IL20RB: variants seen among roughly 807,000 people sequenced by gnomAD.
IL20RB encodes interleukin-20 receptor subunit beta.
A neutral mutation model predicts 33.3 loss-of-function variants in IL20RB; 21 were observed. The ratio of observed to expected loss-of-function variants is 0.63; its 90% CI spans 0.45 to 0.91. IL20RB has a LOEUF of 0.91. Ranked by LOEUF, IL20RB falls within the 40% of genes least tolerant of loss-of-function variation. The pLI, the probability that IL20RB is intolerant of heterozygous loss-of-function variation, is 0.00. For synonymous variants in IL20RB, 147 were observed against 146.8 expected (o/e 1.00, Z -0.01); for missense variants, 345 against 384.8 (o/e 0.90, Z 0.86).
chr3:136,987,117 G>A (rs1349577633), intron 3 of IL20RB, among the ~76,000 whole-genome samples: 2 of 151,916 alleles, frequency 1.3e-5, no homozygotes, highest in Non-Finnish European at 2.9e-5. Flanking sequence ...CAGTGTGGAA[G>A]GGGACCCGAG....
chr3:136,984,793 T>C (rs1941861396), intron 3 of IL20RB, among the ~76,000 whole-genome samples: 1 of 151,932 alleles, frequency 6.6e-6, no homozygotes, highest in Non-Finnish European at 1.5e-5. Flanking sequence ...CTTCATGGAA[T>C]GGAGAGGATG....
chr3:136,970,419 T>A (rs1279335009), intron 1 of IL20RB, among the ~76,000 whole-genome samples: 1 of 152,116 alleles, frequency 6.6e-6, no homozygotes, highest in African/African-American at 2.4e-5. Context: ...ATTTTAGGAT[T>A]ACTTTTGTCT....
At chr3:137,002,482 T>C (rs1402369786) in intron 6 of IL20RB, among the ~76,000 whole-genome samples, 4 of 152,234 alleles carry the variant, frequency 2.6e-5, no homozygotes, top group Non-Finnish European at 4.4e-5. Flanking sequence ...TGGTATGAGA[T>C]GGTATCTCAT....
At position 136,992,108 on chromosome 3, in the gene IL20RB, C is replaced by G. The variant is rs200576347; in HGVS notation, c.682+20C>G. On this transcript the variant is annotated intron_variant, in intron 5 of 6. Coordinates refer to ENST00000329582, the MANE Select transcript of IL20RB (RefSeq NM_144717.4). ...TGCAAGGTAAGGATGGCTTCTCTGT[C>G]CCTGGAGCCCTGCACAGGTGATAGC... The G allele has an allele frequency of 4.4e-4, 711 of 1,612,718 alleles. 4 individuals are homozygous for G. Among genetic ancestry groups the G allele is most frequent in the South Asian group, 4.3e-3 (389 of 90,930 alleles).
At chr3:136,997,687 G>A (rs1577030746) in intron 6 of IL20RB, among the ~76,000 whole-genome samples, 1 of 151,304 alleles carries the variant, frequency 6.6e-6, no homozygotes, top group East Asian at 1.9e-4. Flanking sequence ...CTTATAGACA[G>A]CATATAGTCA....
intron 1 of IL20RB, among the ~76,000 whole-genome samples, chr3:136,961,102 C>T (rs1163054119): frequency 1.3e-5 from 2 of 152,176 alleles, no homozygotes; most frequent in African/African-American, 2.4e-5. Flanking sequence ...AATTTAAAGA[C>T]GAATGAGGGA....
chr3:136,998,129 C>CTTTTTTTTTT, intron 6 of IL20RB, among the ~76,000 whole-genome samples: 1 of 119,414 alleles, frequency 8.4e-6, no homozygotes, highest in Non-Finnish European at 1.7e-5. Context: ...ATTTTCTTTT[C>CTTTTTTTTTT]TTTTTTTTTT....
At chr3:137,002,000 C>G (rs1033937606) in intron 6 of IL20RB, among the ~76,000 whole-genome samples, 1 of 152,110 alleles carries the variant, frequency 6.6e-6, no homozygotes, top group African/African-American at 2.4e-5. Flanking sequence ...GTTCAATTCC[C>G]ACCTATGAGT....
rs1185510835 is a variant in IL20RB at position 136,992,035 on chromosome 3, A to G, written c.629A>G (p.Lys210Arg). ...TGTGTGAAGGCCCAGACATTCGTGA[A>G]GGCCATTGGGAGGTACAGCGCCTTC... ...AYCVKAQTFV[K>R]AIGRYSAFSQ... Residue 210 changes from lysine to arginine, a missense_variant, in exon 5 of 7, where the codon AAG becomes AGG. Physicochemically the swap from Lys to Arg is conservative, Grantham distance 26. Coordinates refer to ENST00000329582, the MANE Select transcript of IL20RB (RefSeq NM_144717.4). The G allele has an allele frequency of 3.7e-6, 6 of 1,614,226 alleles. No individual in the cohort carries two copies. Among genetic ancestry groups the G allele is most frequent in the Non-Finnish European group, 4.2e-6 (5 of 1,180,044 alleles).
intron 1 of IL20RB, among the ~76,000 whole-genome samples, chr3:136,972,802 C>G (rs1941521517): frequency 6.6e-6 from 1 of 151,086 alleles, no homozygotes; most frequent in South Asian, 2.1e-4. Flanking sequence ...AAATTCTGCT[C>G]TGATCTTTAT....
At chr3:136,961,986 G>T (rs1024945136) in intron 1 of IL20RB, among the ~76,000 whole-genome samples, 2 of 152,072 alleles carry the variant, frequency 1.3e-5, no homozygotes, top group East Asian at 3.8e-4. Context: ...AATAACAATA[G>T]TGTTGGACTT....
intron 1 of IL20RB, among the ~76,000 whole-genome samples, chr3:136,960,208 C>T (rs1038416905): frequency 1.3e-4 from 16 of 123,552 alleles, no homozygotes; most frequent in Non-Finnish European, 3.2e-5. Flanking sequence ...AGTGCAGTGG[C>T]GCAATCTTGG....
chr3:136,993,203 A>G (rs1345999091), intron 5 of IL20RB, among the ~76,000 whole-genome samples: 1 of 152,162 alleles, frequency 6.6e-6, no homozygotes, highest in Non-Finnish European at 1.5e-5. Flanking sequence ...TCTCATTTTA[A>G]TAAATAAATA....
intron 5 of IL20RB, among the ~76,000 whole-genome samples, chr3:136,992,408 A>G (rs907490763): frequency 3.3e-5 from 5 of 152,238 alleles, no homozygotes; most frequent in Non-Finnish European, 2.9e-5. Flanking sequence ...AGTGGGCTGC[A>G]GGAGAGGCAG....
intron 6 of IL20RB, among the ~76,000 whole-genome samples, chr3:137,006,034 G>C (rs1397288169): frequency 6.6e-6 from 1 of 152,172 alleles, no homozygotes; most frequent in African/African-American, 2.4e-5. Context: ...AGCTTAGTTT[G>C]GCTGGATATG....
intron 6 of IL20RB, among the ~76,000 whole-genome samples, chr3:137,001,002 C>T (rs1942232287): frequency 6.6e-6 from 1 of 152,142 alleles, no homozygotes; most frequent in South Asian, 2.1e-4. Flanking sequence ...AGGGAAAGAA[C>T]CATGTAAAGG....
At chr3:137,000,850 A>G (rs941040339) in intron 6 of IL20RB, among the ~76,000 whole-genome samples, 1 of 152,174 alleles carries the variant, frequency 6.6e-6, no homozygotes, top group Non-Finnish European at 1.5e-5. Context: ...ACAGGCAACT[A>G]CACTCTTAAC....
At chr3:136,996,575 G>A (rs527525190) in intron 6 of IL20RB, among the ~76,000 whole-genome samples, 6 of 152,220 alleles carry the variant, frequency 3.9e-5, no homozygotes, top group Non-Finnish European at 5.9e-5. Context: ...TAAACAGGAG[G>A]AATAATTCTT....
intron 3 of IL20RB, among the ~76,000 whole-genome samples, chr3:136,987,949 G>A (rs549952579): frequency 3.3e-5 from 5 of 151,962 alleles, no homozygotes; most frequent in Non-Finnish European, 4.4e-5. Flanking sequence ...GTGCAGCCCC[G>A]GTTCCAGCTC....
Sources: gnomAD v4.1 joint callset for allele counts (sites outside exome capture counted in the v4.1 genomes callset) on GRCh38, gnomAD v4.1.1 for gene constraint, MANE v1.5 for transcripts, NCBI Gene and HGNC (gene_info 2026-07-23, HGNC 2026-07-21) for gene names.